The following KICS2 variants were observed in gnomAD, a reference collection of about 807,000 sequenced individuals.
The protein encoded by KICS2 is KICSTOR subunit 2, also known as KICSTOR complex protein C12orf66.
In KICS2, 13 loss-of-function variants were observed where a neutral mutation model predicts 31.4. That is an observed-to-expected ratio of 0.41 (90% CI 0.27 to 0.66). The LOEUF is 0.66. KICS2 is among the 30% of genes least tolerant of loss of function. The probability of loss-of-function intolerance (pLI) is 0.28; values close to 1 mark genes in which losing one functional copy is unlikely to be tolerated. For missense variants in KICS2, 455 were observed against 545.4 expected, an observed-to-expected ratio of 0.83 and a Z score of 1.65; for synonymous variants, 209 against 214.8, an observed-to-expected ratio of 0.97 and a Z score of 0.24.
chr12:64,194,035 A>C lies in KICS2; in HGVS notation c.1145T>G (p.Val382Gly). 2.5e-6 allele frequency: 4 copies of C among 1,614,136 alleles called. No homozygotes were observed. Among genetic ancestry groups the C allele is most frequent in the Non-Finnish European group, 3.4e-6 (4 of 1,180,038 alleles). ...CTGAACTTTGTCATCATAGAAGTGG[A>C]CCACTTTCTCCAAGCTGTTCAGATC... ...TSDLNSLEKVVHFYDDKVQST... is the reference protein window; with the variant it reads ...TSDLNSLEKVGHFYDDKVQST... The change falls in exon 3 of 3, where the codon GTC (valine) becomes GGC (glycine). Residue 382 changes from valine to glycine, a missense_variant. Coordinates refer to ENST00000398055, the MANE Select transcript of KICS2 (RefSeq NM_152440.5).
chr12:64,210,533 T>C (rs991506360), intron 2 of KICS2, among the ~76,000 whole-genome samples: 1 of 152,092 alleles, frequency 6.6e-6, no homozygotes, highest in Non-Finnish European at 1.5e-5. Flanking sequence ...CCCAGCACTT[T>C]GGAAGGCCAA....
rs541461193 is a variant in KICS2 at position 64,196,238 on chromosome 12, C to T, written c.522-1580G>A. Reference sequence around the variant, plus strand: ...GAAGAGAGCAGTGGCTCTCCCAGCACGCAGCTGGAGATCTGAGAACCGGCA... The same window carrying T: ...GAAGAGAGCAGTGGCTCTCCCAGCATGCAGCTGGAGATCTGAGAACCGGCA... On this transcript the variant is annotated intron_variant, in intron 2 of 2. Transcript: ENST00000398055. Among the ~76,000 whole-genome samples the T allele has an allele frequency of 5.7e-3, 871 of 151,658 alleles. 12 individuals carry two copies. The highest frequency in any genetic ancestry group is 0.018 in the African/African-American group (734 of 41,106).
intron 1 of KICS2, chr12:64,221,614 CA>C (rs2136711188): frequency 3.9e-6 from 1 of 255,034 alleles, no homozygotes; most frequent in Non-Finnish European, 7.7e-6. Context: ...GGCCACACAA[CA>C]GTGTTCAGTA....
intron 2 of KICS2, among the ~76,000 whole-genome samples, chr12:64,212,730 T>C (rs754668311): frequency 6.6e-6 from 1 of 152,188 alleles, no homozygotes; most frequent in African/African-American, 2.4e-5. Context: ...ATGGTAACTA[T>C]GTTCATTATA....
At chr12:64,216,009 C>G in intron 1 of KICS2, 46 bp from the exon 2 acceptor site, 1 of 1,530,480 alleles carries the variant, frequency 6.5e-7, no homozygotes, top group South Asian at 1.2e-5. Flanking sequence ...GAAGGAGAAA[C>G]CGTAAGTACC....
Position 64,194,638 on chromosome 12 carries a change from C to A in KICS2, c.542G>T (p.Ser181Ile), listed in dbSNP as rs1253180396. ...YSSRFHHPIL[S>I]PLESSFQLEV... ...CAGCTGGAAACTGCTTTCCAAAGGACTGAGGATTGGGTGGTGAAATCTAAA... is the reference window on the plus strand; with the variant it reads ...CAGCTGGAAACTGCTTTCCAAAGGAATGAGGATTGGGTGGTGAAATCTAAA... Residue 181 changes from serine (S) to isoleucine (I), a missense_variant, in exon 3 of 3, where the codon AGT becomes ATT. Physicochemically the swap from Ser to Ile is moderately radical, Grantham distance 142. Transcript: ENST00000398055. 6.2e-6 allele frequency: 10 copies of A among 1,612,472 alleles called. No individual in the cohort carries two copies. The highest frequency in any genetic ancestry group is 8.5e-6 in the Non-Finnish European group (10 of 1,178,888).
In KICS2 at chr12:64,192,823, C is replaced by T; in HGVS notation, c.*1019G>A. ...AATTTGTGGGGGGCAGGCATGAAAC[C>T]CAAGTTCAGAAGTGCTTAAGTACTG... On this transcript the variant is annotated 3_prime_UTR_variant, in exon 3 of 3. Coordinates refer to ENST00000398055, the MANE Select transcript of KICS2 (RefSeq NM_152440.5). 1 of 985,354 alleles carries T rather than the reference C, an allele frequency of 1.0e-6. No individual in the cohort carries two copies. Among genetic ancestry groups the T allele is most frequent in the Non-Finnish European group, 1.2e-6 (1 of 829,926 alleles). The allele number at this position is 985,354 out of a possible 1,614,324, so 61.0% of individuals were successfully genotyped here. A position where few individuals can be genotyped will look rare whatever the true frequency, so the allele number is the denominator to read the frequency against.
rs2037400595 is a variant in KICS2 at position 64,193,436 on chromosome 12, A to G, written c.*406T>C. On this transcript the variant is annotated 3_prime_UTR_variant, in exon 3 of 3. Transcript: ENST00000398055. The stretch of plus-strand genomic sequence containing the variant: ...TTCTTAATTCTAAAAAGGCCATTTA[A>G]TATCTCATCCCTATTACTCTTCCAA... 1 of 992,320 alleles carries G rather than the reference A, an allele frequency of 1.0e-6. No homozygotes were observed. Among genetic ancestry groups the G allele is most frequent in the Non-Finnish European group, 1.2e-6 (1 of 834,718 alleles). The allele number at this position is 992,320 out of a possible 1,614,324, so 61.5% of individuals were successfully genotyped here.
intron 2 of KICS2, among the ~76,000 whole-genome samples, chr12:64,210,616 A>C (rs1234463714): frequency 2.6e-5 from 4 of 152,116 alleles, no homozygotes; most frequent in Non-Finnish European, 5.9e-5. Context: ...TCTCTGCAAA[A>C]AAATAAAATA....
At chr12:64,207,170 G>A (rs1592385260) in intron 2 of KICS2, among the ~76,000 whole-genome samples, 1 of 151,884 alleles carries the variant, frequency 6.6e-6, no homozygotes, top group African/African-American at 2.4e-5. Context: ...TAGGTGTGGT[G>A]ATATGCACCT....
chr12:64,195,283 T>C (rs1267678709), intron 2 of KICS2, among the ~76,000 whole-genome samples: 1 of 152,184 alleles, frequency 6.6e-6, no homozygotes, highest in Non-Finnish European at 1.5e-5. Flanking sequence ...AAACAATCAT[T>C]GAAACAAGGC....
intron 2 of KICS2, among the ~76,000 whole-genome samples, chr12:64,206,715 G>A (rs889229640): frequency 7.9e-5 from 12 of 152,152 alleles, no homozygotes; most frequent in African/African-American, 2.9e-4. Context: ...GCCTTAAAAA[G>A]AAGGAAATCT....
chr12:64,202,043 C>T (rs1479450627), intron 2 of KICS2, among the ~76,000 whole-genome samples: 1 of 152,180 alleles, frequency 6.6e-6, no homozygotes, highest in Non-Finnish European at 1.5e-5. Context: ...ACTGAAAATG[C>T]AATTATACTA....
Position 64,194,346 on chromosome 12 carries a change from G to A in KICS2, c.834C>T (p.Ser278=). The A allele has an allele frequency of 6.2e-7, 1 of 1,614,210 alleles. No homozygotes were observed. The highest frequency in any genetic ancestry group is 8.5e-7 in the Non-Finnish European group (1 of 1,180,036). Residue 278 remains serine, a synonymous_variant, in exon 3 of 3, where the codon AGC becomes AGT. Coordinates refer to ENST00000398055, the MANE Select transcript of KICS2 (RefSeq NM_152440.5). ...TCATTTCTGAAGCAGTCGTTTGTCG[G>A]CTCAGAGCCTCATGAAAGTAAAAGC... ...KFSFYFHEAL[S]RQTTASEMKT...
chr12:64,186,508 T>C (rs144263074), downstream of KICS2: 129 of 152,344 alleles, frequency 8.5e-4, no homozygotes, highest in African/African-American at 3.0e-3. Flanking sequence ...AAAACTCTAT[T>C]GTACCAACAT....
At chr12:64,206,986 C>T (rs2037544253) in intron 2 of KICS2, among the ~76,000 whole-genome samples, 1 of 152,062 alleles carries the variant, frequency 6.6e-6, no homozygotes, top group South Asian at 2.1e-4. Context: ...CTTAACACTA[C>T]TGAACTGGAT....
At chr12:64,198,989 C>T (rs1182138754) in intron 2 of KICS2, among the ~76,000 whole-genome samples, 1 of 144,256 alleles carries the variant, frequency 6.9e-6, no homozygotes, top group Non-Finnish European at 1.5e-5. Context: ...GAGTCCAGGA[C>T]CAGATGGATT....
chr12:64,187,126 G>A (rs558037749), downstream of KICS2: 11 of 153,738 alleles, frequency 7.2e-5, no homozygotes, highest in African/African-American at 2.4e-4. Context: ...CAGTTTTTAG[G>A]ACCAGCAAAA....
intron 1 of KICS2, among the ~76,000 whole-genome samples, chr12:64,218,544 CTAA>C (rs1314884501): frequency 6.6e-6 from 1 of 152,056 alleles, no homozygotes; most frequent in African/African-American, 2.4e-5. Context: ...TTTAAAACTC[CTAA>C]TAATAATACA....
Sources: gnomAD v4.1 joint callset for allele counts (sites outside exome capture counted in the v4.1 genomes callset) on GRCh38, gnomAD v4.1.1 for gene constraint, MANE v1.5 for transcripts, NCBI Gene and HGNC (gene_info 2026-07-23, HGNC 2026-07-21) for gene names.